The following LDLRAD4 variants were observed in gnomAD, a reference collection of about 807,000 sequenced individuals.
LDLRAD4 encodes the protein low-density lipoprotein receptor class A domain-containing protein 4.
In LDLRAD4, 5 loss-of-function variants were observed where a neutral mutation model predicts 17.0. The observed-to-expected ratio is 0.29, with a 90% CI of 0.15 to 0.62. The LOEUF (loss-of-function observed/expected upper bound fraction) is 0.62, where lower values mean the gene tolerates loss of function less well. LDLRAD4 is among the 20% of genes least tolerant of loss of function. LDLRAD4 has a pLI of 0.84. For synonymous variants in LDLRAD4, 168 were observed against 171.8 expected, an observed-to-expected ratio of 0.98 and a Z score of 0.17; for missense variants, 340 against 424.7, an observed-to-expected ratio of 0.80 and a Z score of 1.75.
At chr18:13,261,542 C>T (rs896126734) in intron 1 of LDLRAD4, among the ~76,000 whole-genome samples, 7 of 152,186 alleles carry the variant, frequency 4.6e-5, no homozygotes, top group Non-Finnish European at 8.8e-5. Flanking sequence ...CTCAGGCCTT[C>T]AGAACCTTTG....
chr18:13,637,925 CTG>C (rs2042224207), intron 4 of LDLRAD4, among the ~76,000 whole-genome samples: 2 of 150,692 alleles, frequency 1.3e-5, no homozygotes, highest in African/African-American at 4.9e-5. Flanking sequence ...CCCCCTTTAA[CTG>C]TGCATAACAA....
At chr18:13,425,547 G>A (rs954984350) in intron 2 of LDLRAD4, among the ~76,000 whole-genome samples, 5 of 152,164 alleles carry the variant, frequency 3.3e-5, no homozygotes, top group Admixed American at 2.0e-4. Flanking sequence ...AATATGACAC[G>A]TCGGGGCTCC....
At chr18:13,408,586 C>T (rs2088012356) in intron 2 of LDLRAD4, among the ~76,000 whole-genome samples, 1 of 152,000 alleles carries the variant, frequency 6.6e-6, no homozygotes, top group Admixed American at 6.6e-5. Flanking sequence ...AATTCTCCTG[C>T]CTCAGCCTCC....
intron 1 of LDLRAD4, among the ~76,000 whole-genome samples, chr18:13,294,124 C>G (rs561081007): frequency 6.6e-6 from 1 of 152,382 alleles, no homozygotes; most frequent in East Asian, 1.9e-4. Context: ...ATATAAATAA[C>G]TCCCACATGC....
chr18:13,622,782 G>A lies in LDLRAD4; in HGVS notation c.336+1511G>A, dbSNP rs1032360125. ...CAGCAGCAGTTTCAGAACCGCAGAA[G>A]GCTCAGACATCGCTGCTTTGCCTTA... On this transcript the variant is annotated intron_variant, in intron 4 of 5. Transcript: ENST00000359446. The surrounding 1 kb of genome is among the most constrained non-coding windows in gnomAD (Gnocchi z 5.3). Among the ~76,000 whole-genome samples the A allele has an allele frequency of 8.5e-5, 13 of 152,224 alleles. No individual in the cohort carries two copies. The highest frequency in any genetic ancestry group is 1.9e-4 in the Non-Finnish European group (13 of 68,032).
rs542736614 is a variant in LDLRAD4 at position 13,263,163 on chromosome 18, C to G, written c.-466-14942C>G. 1.8e-3 allele frequency among the ~76,000 whole-genome samples: 230 copies of G among 125,678 alleles called. 2 individuals are homozygous for G. Among genetic ancestry groups the G allele is most frequent in the African/African-American group, 6.5e-3 (206 of 31,546 alleles). The allele number at this position is 125,678 out of a possible 152,430, so 82.4% of individuals were successfully genotyped here. ...GCTGAGTCCCGTGTGGCTCTGTGTG[C>G]GTGGGGGCTGAGTCCCTTGTGGCTC... is the stretch of plus-strand genomic sequence containing the variant. On this transcript the variant is annotated intron_variant, in intron 1 of 5. Coordinates refer to the LDLRAD4 transcript ENST00000399848.
At position 13,643,408 on chromosome 18, in the gene LDLRAD4, CG is replaced by C; in HGVS notation, c.388del (p.Glu130ArgfsTer76). 1 of 1,075,162 alleles carries C rather than the reference CG, an allele frequency of 9.3e-7. No individual in the cohort carries two copies. The highest frequency in any genetic ancestry group is 1.1e-6 in the Non-Finnish European group (1 of 886,062). The allele number at this position is 1,075,162 out of a possible 1,614,324, so 66.6% of individuals were successfully genotyped here. ...AGCGCCGCACCGCGGCTGGGCGCCT[CG>C]GAGGTAAGGGGCCCCAGGAGGTGAT... On this transcript the variant is annotated frameshift_variant, in exon 5 of 6. Transcript: ENST00000359446. LOFTEE classifies it high-confidence loss of function.
intron 3 of LDLRAD4, among the ~76,000 whole-genome samples, chr18:13,514,079 A>G (rs1238395280): frequency 6.6e-6 from 1 of 152,208 alleles, no homozygotes; most frequent in Non-Finnish European, 1.5e-5. Context: ...GTTGTATTTC[A>G]TGTGTACTTT....
chr18:13,418,813 T>G (rs983078361), intron 2 of LDLRAD4, among the ~76,000 whole-genome samples: 16 of 152,238 alleles, frequency 1.1e-4, no homozygotes, highest in Admixed American at 8.5e-4. Context: ...CTCCAGAGAA[T>G]AGAAGCTAAG....
intron 1 of LDLRAD4, among the ~76,000 whole-genome samples, chr18:13,319,265 G>A (rs547439697): frequency 2.6e-5 from 4 of 152,306 alleles, no homozygotes; most frequent in South Asian, 2.1e-4. Flanking sequence ...AAGTGGCCAC[G>A]GCGGGTATGA....
At chr18:13,272,173 C>T (rs189428408) in intron 1 of LDLRAD4, among the ~76,000 whole-genome samples, 1,708 of 152,266 alleles carry the variant, frequency 0.011, 38 homozygotes, top group African/African-American at 0.04. Flanking sequence ...GGATTACAGG[C>T]GTGAGCCACC....
At chr18:13,570,918 A>C (rs1379506879) in intron 3 of LDLRAD4, among the ~76,000 whole-genome samples, 1 of 152,200 alleles carries the variant, frequency 6.6e-6, no homozygotes, top group Non-Finnish European at 1.5e-5. Context: ...TCCTAGGCTC[A>C]AATAATCTTC....
chr18:13,542,607 T>G (rs2094301029), intron 3 of LDLRAD4: 1 of 152,344 alleles, frequency 6.6e-6, no homozygotes, highest in Non-Finnish European at 1.5e-5. Context: ...CAGGGAGGTG[T>G]GGACATTCAT....
chr18:13,400,606 C>T (rs1443760651), intron 2 of LDLRAD4, among the ~76,000 whole-genome samples: 2 of 152,172 alleles, frequency 1.3e-5, no homozygotes, highest in African/African-American at 2.4e-5. Context: ...GAGCTCAGGA[C>T]TGGAGAGGAA....
chr18:13,563,727 G>A (rs1225792143), intron 3 of LDLRAD4, among the ~76,000 whole-genome samples: 1 of 152,132 alleles, frequency 6.6e-6, no homozygotes, highest in East Asian at 1.9e-4. Context: ...TTAAGTGCCT[G>A]GCAAATGCCT....
At chr18:13,533,465 A>G (rs1202682974) in intron 3 of LDLRAD4, among the ~76,000 whole-genome samples, 1 of 152,254 alleles carries the variant, frequency 6.6e-6, no homozygotes, top group Admixed American at 6.5e-5. Context: ...ATTTACACTT[A>G]GCTTATGATC....
chr18:13,431,898 T>C (rs1183171005), intron 2 of LDLRAD4, among the ~76,000 whole-genome samples: 2 of 152,214 alleles, frequency 1.3e-5, no homozygotes, highest in Admixed American at 1.3e-4. Context: ...AATTCCACTT[T>C]GTTCCAAGTT....
At chr18:13,540,658 A>C (rs2147939135) in intron 3 of LDLRAD4, among the ~76,000 whole-genome samples, 1 of 152,320 alleles carries the variant, frequency 6.6e-6, no homozygotes, top group Non-Finnish European at 1.5e-5. Flanking sequence ...TAATCTGTCC[A>C]AGGCAATTCA....
intron 2 of LDLRAD4, among the ~76,000 whole-genome samples, chr18:13,427,795 T>G (rs2090056688): frequency 6.6e-6 from 1 of 152,240 alleles, no homozygotes; most frequent in African/African-American, 2.4e-5. Flanking sequence ...TTTAAAAATC[T>G]TTCACAATTT....
Sources: gnomAD v4.1 joint callset for allele counts (sites outside exome capture counted in the v4.1 genomes callset) on GRCh38, gnomAD v4.1.1 for gene constraint, Gnocchi (gnomAD v3.1) non-coding constraint, MANE v1.5 for transcripts, NCBI Gene and HGNC (gene_info 2026-07-23, HGNC 2026-07-21) for gene names.